The following STK3 variants were observed in gnomAD, a reference collection of about 807,000 sequenced individuals.
STK3 encodes serine/threonine-protein kinase 3.
Under a neutral mutation model 58.0 loss-of-function variants are expected in STK3, and 41 were observed. The ratio of observed to expected loss-of-function variants is 0.71; its 90% CI spans 0.55 to 0.92. The LOEUF is 0.92. Ranked by LOEUF, STK3 falls within the 40% of genes least tolerant of loss-of-function variation. The pLI is 0.00. For missense variants in STK3, 479 were observed against 602.7 expected, an observed-to-expected ratio of 0.79 and a Z score of 2.15; for synonymous variants, 170 against 191.0, an observed-to-expected ratio of 0.89 and a Z score of 0.91.
chr8:98,655,142 G>C (rs1476670137), intron 6 of STK3, among the ~76,000 whole-genome samples: 1 of 151,922 alleles, frequency 6.6e-6, no homozygotes, highest in East Asian at 1.9e-4. Context: ...CAGAGATATA[G>C]ATCAATGGAA....
intron 10 of STK3, among the ~76,000 whole-genome samples, chr8:98,460,040 T>C (rs1819823936): frequency 6.6e-6 from 1 of 152,120 alleles, no homozygotes; most frequent in South Asian, 2.1e-4. Context: ...CACAGAATGG[T>C]AGATCCATTG....
At chr8:98,529,154 AT>A (rs1323159174) in intron 9 of STK3, among the ~76,000 whole-genome samples, 1 of 152,210 alleles carries the variant, frequency 6.6e-6, no homozygotes, top group Non-Finnish European at 1.5e-5. Context: ...CTTTAAGGTC[AT>A]TTTGGTCAAA....
chr8:98,912,648 C>T (rs183900892), intron 1 of STK3, among the ~76,000 whole-genome samples: 35 of 152,254 alleles, frequency 2.3e-4, no homozygotes, highest in Admixed American at 2.2e-3. Context: ...GTCCAAGAGG[C>T]TGAGTCATGC....
intron 1 of STK3, among the ~76,000 whole-genome samples, chr8:98,781,566 AG>A (rs987733854): frequency 1.3e-5 from 2 of 152,230 alleles, no homozygotes; most frequent in African/African-American, 4.8e-5. Context: ...ACGAATACAA[AG>A]GTCATTCAGA....
At chr8:98,547,869 CCA>C (rs775057343) in intron 9 of STK3, 98 bp downstream of exon 9, 1 of 1,117,412 alleles carries the variant, frequency 8.9e-7, no homozygotes, top group Non-Finnish European at 1.2e-6. Context: ...ACAAAATTTT[CCA>C]CAGTTGGCTA....
At chr8:98,656,532 A>G (rs1821544794) in intron 6 of STK3, among the ~76,000 whole-genome samples, 1 of 152,144 alleles carries the variant, frequency 6.6e-6, no homozygotes, top group Admixed American at 6.6e-5. Flanking sequence ...TATGTACTCA[A>G]GAAAGGCTGT....
In STK3 at chr8:98,768,777, C is replaced by T. The variant is rs190757329; in HGVS notation, c.108-1406G>A. ...ATTAAAAGTCTGCCAGTGAGAAAAA[C>T]ACGTATGTGTGAATGACGAAAGGAG... On this transcript the variant is annotated intron_variant, in intron 2 of 10. Transcript: ENST00000419617. Among the ~76,000 whole-genome samples the T allele has an allele frequency of 2.6e-4, 40 of 152,358 alleles. No homozygotes were observed. The South Asian group carries it at 3.7e-3, about 14-fold the overall frequency.
intron 10 of STK3, among the ~76,000 whole-genome samples, chr8:98,521,315 T>C (rs1425144771): frequency 1.3e-5 from 2 of 151,904 alleles, no homozygotes; most frequent in African/African-American, 4.8e-5. Flanking sequence ...CCTTTATTAT[T>C]TTTTTTTGGT....
chr8:98,656,142 A>G (rs1487513898), intron 6 of STK3, among the ~76,000 whole-genome samples: 1 of 152,250 alleles, frequency 6.6e-6, no homozygotes, highest in Non-Finnish European at 1.5e-5. Flanking sequence ...ACACCATGGA[A>G]TGATATGCAG....
At chr8:98,381,423 G>A (rs987790040) in intron 1 of STK3, among the ~76,000 whole-genome samples, 1 of 152,152 alleles carries the variant, frequency 6.6e-6, no homozygotes, top group African/African-American at 2.4e-5. Context: ...TGATAGCTCT[G>A]GATCAATTTC....
At chr8:98,710,057 A>T (rs976735284) in intron 4 of STK3, among the ~76,000 whole-genome samples, 1 of 152,244 alleles carries the variant, frequency 6.6e-6, no homozygotes, top group African/African-American at 2.4e-5. Context: ...TCCAAACTGG[A>T]AAAAAAGAAG....
chr8:98,517,249 C>T (rs961433936), intron 10 of STK3, among the ~76,000 whole-genome samples: 1 of 151,936 alleles, frequency 6.6e-6, no homozygotes, highest in African/African-American at 2.4e-5. Flanking sequence ...AACACAATTA[C>T]AAAACAAGAC....
intron 6 of STK3, among the ~76,000 whole-genome samples, chr8:98,620,958 C>T (rs970980834): frequency 7.6e-6 from 1 of 131,232 alleles, no homozygotes; most frequent in Non-Finnish European, 1.5e-5. Flanking sequence ...GAGACGGAGT[C>T]TCGCTCTGTC....
At chr8:98,903,206 C>T (rs1838725036) in intron 1 of STK3, among the ~76,000 whole-genome samples, 1 of 152,144 alleles carries the variant, frequency 6.6e-6, no homozygotes, top group Admixed American at 6.6e-5. Context: ...ACATTGAATG[C>T]ACTAAATGAA....
rs549543391 is a variant in STK3, at chr8:98,782,082, C to T, written c.27-7263G>A. The stretch of plus-strand genomic sequence containing the variant: ...TCAGAAGAGGCTTGCCTCTAGTGTC[C>T]TCCGCTGTGGCAAAAAGAAGATCTG... On this transcript the variant is annotated intron_variant, in intron 1 of 10. Coordinates refer to ENST00000419617, the MANE Select transcript of STK3 (RefSeq NM_006281.4). The T allele has an allele frequency of 3.4e-5, 8 of 234,574 alleles. No homozygotes were observed. In the East Asian group the frequency reaches 5.2e-4, roughly 15 times the overall value. The allele number at this position is 234,574 out of a possible 1,614,324, so 14.5% of individuals were successfully genotyped here. A position where few individuals can be genotyped will look rare whatever the true frequency, so the allele number is the denominator to read the frequency against.
chr8:98,762,208 T>G (rs1018736625), intron 3 of STK3, among the ~76,000 whole-genome samples: 6 of 152,170 alleles, frequency 3.9e-5, no homozygotes, highest in African/African-American at 1.4e-4. Flanking sequence ...TCCAGCTGAG[T>G]GAAAGTCTCT....
chr8:98,780,957 G>A lies in STK3; in HGVS notation c.27-6138C>T, dbSNP rs759659362. On this transcript the variant is annotated intron_variant, in intron 1 of 10. Coordinates refer to ENST00000419617, the MANE Select transcript of STK3 (RefSeq NM_006281.4). Reference sequence around the variant, plus strand: ...TTGGCTACATCAAAAGCTACCAAAAGTGCAAGCAGCTTGAAAGTTTAAGTA... The same window carrying A: ...TTGGCTACATCAAAAGCTACCAAAAATGCAAGCAGCTTGAAAGTTTAAGTA... Among the ~76,000 whole-genome samples, 21 of 152,294 alleles carry A rather than the reference G, an allele frequency of 1.4e-4. No individual in the cohort carries two copies. The South Asian group carries it at 1.7e-3, about 12-fold the overall frequency.
the STK3 span, among the ~76,000 whole-genome samples, chr8:98,357,915 G>A: frequency 1.3e-5 from 2 of 152,142 alleles, no homozygotes; most frequent in African/African-American, 4.8e-5. Flanking sequence ...AGATGTACAA[G>A]CATCTGGGGC....
intron 1 of STK3, among the ~76,000 whole-genome samples, chr8:98,924,035 C>G (rs937023575): frequency 1.3e-5 from 2 of 152,092 alleles, no homozygotes; most frequent in African/African-American, 4.8e-5. Context: ...TCATTGTACC[C>G]TGAAAGAGTT....
Sources: gnomAD v4.1 joint callset for allele counts (sites outside exome capture counted in the v4.1 genomes callset) on GRCh38, gnomAD v4.1.1 for gene constraint, MANE v1.5 for transcripts, NCBI Gene and HGNC (gene_info 2026-07-23, HGNC 2026-07-21) for gene names.